XPO7: variants seen among roughly 807,000 people sequenced by gnomAD.
The protein encoded by XPO7 is exportin 7.
A neutral mutation model predicts 144.3 loss-of-function variants in XPO7; 21 were observed. The observed-to-expected ratio is 0.15, with a 90% CI of 0.10 to 0.21. The LOEUF is 0.21. XPO7 is among the 10% of genes least tolerant of loss of function. The pLI is 1.00. For missense variants in XPO7, 808 were observed against 1,325.8 expected (o/e 0.61, Z 6.06); for synonymous variants, 580 against 499.6 (o/e 1.16, Z -2.15).
At chr8:21,930,605 C>T (rs532425695) in intron 1 of XPO7, among the ~76,000 whole-genome samples, 3 of 152,230 alleles carry the variant, frequency 2.0e-5, no homozygotes, top group Admixed American at 2.0e-4. Flanking sequence ...CTTAACATTC[C>T]AGGAAAGCAA....
At chr8:21,955,638 A>G (rs900880109) in intron 1 of XPO7, among the ~76,000 whole-genome samples, 1 of 151,038 alleles carries the variant, frequency 6.6e-6, no homozygotes, top group Non-Finnish European at 1.5e-5. Flanking sequence ...CCGTCCTTCC[A>G]GGGGTTTCCT....
chr8:21,977,878 AT>A lies in XPO7; in HGVS notation c.837+37del, dbSNP rs759425905. The A allele has an allele frequency of 3.7e-4, 589 of 1,574,290 alleles. 1 individual carries two copies. Among genetic ancestry groups the A allele is most frequent in the Non-Finnish European group, 4.3e-4 (494 of 1,146,582 alleles). ...GACTACCGTTTCTTAAAGCAAACCT[AT>A]TCATAGAAGATAGCAATGGTGAATG... On this transcript the variant is annotated intron_variant, in intron 8 of 27. Transcript: ENST00000252512.
intron 21 of XPO7, 70 bp downstream of exon 21, chr8:21,995,669 C>T: frequency 1.7e-6 from 2 of 1,208,420 alleles, no homozygotes; most frequent in Non-Finnish European, 2.3e-6. Flanking sequence ...GTATCTAGTG[C>T]TTTGGGCAGA....
chr8:21,963,100 A>G (rs1395888611), intron 1 of XPO7, among the ~76,000 whole-genome samples: 1 of 152,194 alleles, frequency 6.6e-6, no homozygotes, highest in African/African-American at 2.4e-5. Flanking sequence ...TGGCATTCGA[A>G]TTATGATAAT....
At chr8:21,997,557 C>A (rs1439751731) in intron 21 of XPO7, among the ~76,000 whole-genome samples, 1 of 152,132 alleles carries the variant, frequency 6.6e-6, no homozygotes, top group Non-Finnish European at 1.5e-5. Flanking sequence ...GTGGCAGGAG[C>A]CTGGTTGGTG....
intron 27 of XPO7, among the ~76,000 whole-genome samples, 152 bp downstream of exon 27, chr8:22,004,182 C>T (rs1164007524): frequency 2.6e-5 from 4 of 152,126 alleles, no homozygotes; most frequent in Admixed American, 6.5e-5. Flanking sequence ...GTTAAACAGG[C>T]AAAATTCATT....
At chr8:21,925,659 A>G (rs549820347) in intron 1 of XPO7, among the ~76,000 whole-genome samples, 1 of 152,290 alleles carries the variant, frequency 6.6e-6, no homozygotes, top group East Asian at 1.9e-4. Context: ...TTATAGTGTT[A>G]TGCCATTTAA....
chr8:21,988,252 G>T (rs537209872), intron 15 of XPO7: 8 of 184,634 alleles, frequency 4.3e-5, no homozygotes, highest in African/African-American at 1.7e-4. Flanking sequence ...CCCCTCGAAG[G>T]GGAAAGCCCC....
intron 15 of XPO7, 39 bp from the exon 16 acceptor site, chr8:21,988,964 A>C: frequency 6.3e-7 from 1 of 1,595,626 alleles, no homozygotes; most frequent in Non-Finnish European, 8.5e-7. Flanking sequence ...CAGCAAATCA[A>C]AAGGGTCTCC....
intron 22 of XPO7, 68 bp downstream of exon 22, chr8:21,998,905 T>C (rs1308990964): frequency 2.6e-6 from 4 of 1,566,570 alleles, no homozygotes; most frequent in African/African-American, 1.4e-5. Flanking sequence ...GTAAGCAGCA[T>C]GTGGGTCTCT....
intron 1 of XPO7, among the ~76,000 whole-genome samples, chr8:21,964,777 A>G (rs1247909735): frequency 2.0e-5 from 3 of 152,252 alleles, no homozygotes; most frequent in East Asian, 1.9e-4. Flanking sequence ...AAACAACAAC[A>G]AAAAGCCTAC....
At position 21,981,889 on chromosome 8, in the gene XPO7, A is replaced by G. The variant is rs763122401; in HGVS notation, c.1104+12A>G. On this transcript the variant is annotated intron_variant, in intron 10 of 27. Coordinates refer to ENST00000252512, the MANE Select transcript of XPO7 (RefSeq NM_015024.5). ...TGACCAGCCTACAGGTTTGTCTTTGATTACTTGTGTCTTCCTTCCTAAATA... is the reference window on the plus strand; with the variant it reads ...TGACCAGCCTACAGGTTTGTCTTTGGTTACTTGTGTCTTCCTTCCTAAATA... 1 of 1,611,040 alleles carries G rather than the reference A, an allele frequency of 6.2e-7. No homozygotes were observed. Among genetic ancestry groups the G allele is most frequent in the Non-Finnish European group, 8.5e-7 (1 of 1,177,418 alleles).
At chr8:21,943,350 A>T (rs939332682) in intron 1 of XPO7, among the ~76,000 whole-genome samples, 1 of 152,220 alleles carries the variant, frequency 6.6e-6, no homozygotes, top group Non-Finnish European at 1.5e-5. Context: ...TGAATTAAAT[A>T]AAATATTTGG....
chr8:21,957,378 C>T (rs2117303643), intron 1 of XPO7, among the ~76,000 whole-genome samples: 1 of 152,258 alleles, frequency 6.6e-6, no homozygotes, highest in South Asian at 2.1e-4. Context: ...TGGGCCACCC[C>T]ACTTCACCTT....
rs1011201120 is a variant in XPO7, at chr8:21,969,344, G to T, written c.166-139G>T. 31 of 669,956 alleles carry T rather than the reference G, an allele frequency of 4.6e-5. No homozygotes were observed. In the South Asian group the frequency reaches 5.1e-4, roughly 11 times the overall value. The allele number at this position is 669,956 out of a possible 1,614,324, so 41.5% of individuals were successfully genotyped here. A position where few individuals can be genotyped will look rare whatever the true frequency, so the allele number is the denominator to read the frequency against. ...TGGTTCATTTTTCCTCAGAGCAGTA[G>T]ACCCTCTAAAATCCAGAGGATCAAA... is the stretch of plus-strand genomic sequence containing the variant. On this transcript the variant is annotated intron_variant, in intron 2 of 27. Transcript: ENST00000252512.
At chr8:21,983,184 A>C (rs1812462336) in intron 11 of XPO7, among the ~76,000 whole-genome samples, 1 of 152,242 alleles carries the variant, frequency 6.6e-6, no homozygotes, top group South Asian at 2.1e-4. Flanking sequence ...CTCCTAAAGA[A>C]ATAAGTGGAT....
At chr8:21,929,736 AAGAT>A (rs1810582641) in intron 1 of XPO7, among the ~76,000 whole-genome samples, 1 of 152,210 alleles carries the variant, frequency 6.6e-6, no homozygotes, top group African/African-American at 2.4e-5. Context: ...TGAAATGGCT[AAGAT>A]AGCCTATTTT....
intron 8 of XPO7, 34 bp downstream of exon 8, chr8:21,977,877 T>TA: frequency 6.3e-7 from 1 of 1,575,570 alleles, no homozygotes; most frequent in Non-Finnish European, 8.7e-7. Context: ...AAAGCAAACC[T>TA]ATTCATAGAA....
chr8:21,990,918 A>C lies in XPO7; in HGVS notation c.2040A>C (p.Leu680Phe). The C allele has an allele frequency of 1.2e-6, 2 of 1,613,644 alleles. No homozygotes were observed. Among genetic ancestry groups the C allele is most frequent in the Non-Finnish European group, 1.7e-6 (2 of 1,179,588 alleles). Residue 680 changes from leucine to phenylalanine, a missense_variant and splice_region_variant, in exon 18 of 28, where the codon TTA becomes TTC. Coordinates refer to ENST00000252512, the MANE Select transcript of XPO7 (RefSeq NM_015024.5). ...TTGGGCGTCTCCTCATGGTGGATTT[A>C]GGTACCGTAAGAAATCGTAGTGGCT... ...TALGRLLMVD[L>F]GEDEDQYEQF...
Sources: allele counts gnomAD v4.1 joint callset (sites outside exome capture counted in the v4.1 genomes callset), GRCh38; gene constraint gnomAD v4.1.1; transcripts MANE v1.5; gene names NCBI Gene and HGNC (gene_info 2026-07-23, HGNC 2026-07-21).